Variants in SYNE2 observed in about 807,000 individuals in gnomAD.
SYNE2 encodes the protein spectrin repeat containing nuclear envelope protein 2, also known as nesprin-2.
In SYNE2, 431 loss-of-function variants were observed where a neutral mutation model predicts 856.3. That is an observed-to-expected ratio of 0.50 (90% CI 0.47 to 0.55). The LOEUF (loss-of-function observed/expected upper bound fraction) is 0.55. SYNE2 is among the 20% of genes least tolerant of loss of function. SYNE2 has a pLI of 0.00. For missense variants in SYNE2, 8,129 were observed against 8,023.2 expected (o/e 1.01, Z -0.50); for synonymous variants, 2,923 against 2,872.3 (o/e 1.02, Z -0.56).
At chr14:64,081,907 A>G (rs2097526466) in intron 57 of SYNE2, among the ~76,000 whole-genome samples, 1 of 152,154 alleles carries the variant, frequency 6.6e-6, no homozygotes. Flanking sequence ...TAACACGGTG[A>G]AACCCTGTCT....
intron 1 of SYNE2, among the ~76,000 whole-genome samples, chr14:63,823,407 T>C (rs9707224): frequency 0.63 from 96,030 of 151,688 alleles, 30,858 homozygotes; most frequent in South Asian, 0.77. Context: ...GAACTCCTGA[T>C]CTCAGGTGAT....
intron 100 of SYNE2, 33 bp from the exon 101 acceptor site, chr14:64,208,725 C>T (rs776648162): frequency 1.9e-6 from 3 of 1,613,244 alleles, no homozygotes; most frequent in South Asian, 2.2e-5. Flanking sequence ...CCACCAACAT[C>T]TCAAGAGGTT....
rs1445381385 is a variant in SYNE2 at position 64,052,625 on chromosome 14, G to A, written c.8712G>A (p.Glu2904=). Residue 2904 remains glutamate (E), a synonymous_variant, in exon 48 of 116, where the codon GAG becomes GAA. Coordinates refer to ENST00000555002, the MANE Select transcript of SYNE2 (RefSeq NM_182914.3). ...HLQELTNIYE[E]LNVFERLFLE... ...AGGAGCTAACAAACATCTATGAGGA[G>A]CTGAATGTGTTTGAAAGATTATTTC... 6 of 1,614,052 alleles carry A rather than the reference G, an allele frequency of 3.7e-6. No homozygotes were observed. The South Asian group carries it at 6.6e-5, about 18-fold the overall frequency.
At chr14:63,925,137 A>G (rs1484337743) in intron 2 of SYNE2, among the ~76,000 whole-genome samples, 2 of 151,870 alleles carry the variant, frequency 1.3e-5, no homozygotes, top group African/African-American at 4.8e-5. Flanking sequence ...ACCTGTCTCT[A>G]AAAATAAATA....
chr14:64,166,547 T>C (rs1192450754), intron 90 of SYNE2, among the ~76,000 whole-genome samples: 2 of 152,242 alleles, frequency 1.3e-5, no homozygotes, highest in African/African-American at 4.8e-5. Flanking sequence ...GCTAGAGTTA[T>C]TTTAAGAATC....
chr14:64,223,335 A>T lies in SYNE2; in HGVS notation c.20337A>T (p.Leu6779Phe). ...VHVIEKKLKQ[L>F]REQVSQDLMA... ...TTATTGAGAAGAAACTCAAACAGTTACGGGAGCAAGTGTCCCAAGATTTAA... is the reference window on the plus strand; with the variant it reads ...TTATTGAGAAGAAACTCAAACAGTTTCGGGAGCAAGTGTCCCAAGATTTAA... The change falls in exon 113 of 116, where the codon TTA becomes TTT. Residue 6779 changes from leucine to phenylalanine, a missense_variant. Coordinates refer to ENST00000555002, the MANE Select transcript of SYNE2 (RefSeq NM_182914.3). 1.9e-6 allele frequency: 3 copies of T among 1,614,200 alleles called. 1 individual carries two copies. The highest frequency in any genetic ancestry group is 8.5e-7 in the Non-Finnish European group (1 of 1,180,012).
At chr14:63,848,764 G>A (rs767448160), upstream of SYNE2, among the ~76,000 whole-genome samples, 13 of 152,254 alleles carry the variant, frequency 8.5e-5, no homozygotes, top group East Asian at 1.2e-3. Context: ...TCCAAGCCCC[G>A]CAGTTACTGA....
intron 2 of SYNE2, among the ~76,000 whole-genome samples, chr14:63,916,084 T>C (rs1210903682): frequency 2.0e-5 from 3 of 152,156 alleles, no homozygotes; most frequent in Non-Finnish European, 2.9e-5. Context: ...GTTGATGTCA[T>C]GTGGAAGTGA....
At chr14:63,878,267 T>C (rs1391487262) in intron 1 of SYNE2, among the ~76,000 whole-genome samples, 1 of 152,190 alleles carries the variant, frequency 6.6e-6, no homozygotes. Context: ...ATCTCCACCC[T>C]GTGGGACTGG....
chr14:63,889,834 C>T (rs1347502182), intron 1 of SYNE2, among the ~76,000 whole-genome samples: 2 of 152,042 alleles, frequency 1.3e-5, no homozygotes, highest in African/African-American at 2.4e-5. Context: ...AGAATGAAGG[C>T]CCAAAGACTC....
At position 64,052,523 on chromosome 14, in the gene SYNE2, A is replaced by G. The variant is rs575474344; in HGVS notation, c.8610A>G (p.Leu2870=). The change falls in exon 48 of 116, where the codon CTA becomes CTG. Residue 2870 remains leucine, a synonymous_variant. Coordinates refer to ENST00000555002, the MANE Select transcript of SYNE2 (RefSeq NM_182914.3). Reference sequence around the variant, plus strand: ...AGACAGCTGCCACGGAAGCTGAACTAAAACATCACCATGTTACTTTGGAGG... The same window carrying G: ...AGACAGCTGCCACGGAAGCTGAACTGAAACATCACCATGTTACTTTGGAGG... ...RVETAATEAE[L]KHHHVTLEAS... is the part of the protein sequence containing the mutation. 2 of 1,614,186 alleles carry G rather than the reference A, an allele frequency of 1.2e-6. No individual in the cohort carries two copies. The highest frequency in any genetic ancestry group is 2.2e-5 in the South Asian group (2 of 91,084).
chr14:63,948,647 C>T (rs1470790121), intron 6 of SYNE2, among the ~76,000 whole-genome samples: 5 of 124,638 alleles, frequency 4.0e-5, no homozygotes, highest in Non-Finnish European at 5.0e-5. Flanking sequence ...GGCGACGGAG[C>T]GAGACTCCAT....
chr14:63,775,708 AG>A (rs1887084057), intron 1 of SYNE2, among the ~76,000 whole-genome samples: 1 of 152,182 alleles, frequency 6.6e-6, no homozygotes, highest in Non-Finnish European at 1.5e-5. Context: ...AGCCTCCAAA[AG>A]TAGCTGGGAC....
intron 99 of SYNE2, among the ~76,000 whole-genome samples, chr14:64,192,737 A>C (rs1307387609): frequency 6.6e-6 from 1 of 152,236 alleles, no homozygotes; most frequent in South Asian, 2.1e-4. Flanking sequence ...CCACAGTTAC[A>C]TAGCCAGCAT....
At chr14:64,151,283 C>A (rs1031239852) in intron 84 of SYNE2, among the ~76,000 whole-genome samples, 1 of 151,930 alleles carries the variant, frequency 6.6e-6, no homozygotes, top group Non-Finnish European at 1.5e-5. Flanking sequence ...GACTGGATTT[C>A]AGTGCTCCTC....
intron 1 of SYNE2, among the ~76,000 whole-genome samples, chr14:63,828,429 G>T (rs1889544954): frequency 6.6e-6 from 1 of 151,588 alleles, no homozygotes; most frequent in South Asian, 2.1e-4. Flanking sequence ...CACCTGAGGT[G>T]AGGAGTTCAA....
At chr14:64,081,149 A>G (rs891630288) in intron 56 of SYNE2, among the ~76,000 whole-genome samples, 1 of 152,210 alleles carries the variant, frequency 6.6e-6, no homozygotes, top group African/African-American at 2.4e-5. Context: ...CCAGTTTTTA[A>G]AATGAAGCAT....
At chr14:64,077,259 G>T (rs1294584382) in intron 54 of SYNE2, among the ~76,000 whole-genome samples, 1 of 152,106 alleles carries the variant, frequency 6.6e-6, no homozygotes, top group Non-Finnish European at 1.5e-5. Context: ...ATCATGATCT[G>T]TCCTAATGTA....
chr14:64,051,270 T>G (rs2097223639), intron 47 of SYNE2, among the ~76,000 whole-genome samples: 1 of 152,084 alleles, frequency 6.6e-6, no homozygotes, highest in Admixed American at 6.5e-5. Context: ...TCACTTCATT[T>G]TTTTCCTGTG....
Sources: allele counts gnomAD v4.1 joint callset (sites outside exome capture counted in the v4.1 genomes callset), GRCh38; gene constraint gnomAD v4.1.1; transcripts MANE v1.5; gene names NCBI Gene and HGNC (gene_info 2026-07-23, HGNC 2026-07-21).